Variants in FN1 observed in about 807,000 individuals in gnomAD.
FN1 encodes fibronectin.
Under a neutral mutation model 297.3 loss-of-function variants are expected in FN1, and 106 were observed. That is an observed-to-expected ratio of 0.36 (90% CI 0.30 to 0.42). The LOEUF (loss-of-function observed/expected upper bound fraction) is 0.42. Among genes scored for constraint, FN1 ranks in the 10% least tolerant of loss-of-function variants. The probability of loss-of-function intolerance (pLI) is 1.00; values close to 1 mark genes in which losing one functional copy is unlikely to be tolerated. For synonymous variants in FN1, 1,149 were observed against 1,152.6 expected (o/e 1.00, Z 0.06); for missense variants, 2,690 against 3,124.9 (o/e 0.86, Z 3.32).
At chr2:215,383,906 T>C in intron 30 of FN1, 114 bp downstream of exon 30, 1 of 1,190,018 alleles carries the variant, frequency 8.4e-7, no homozygotes, top group Non-Finnish European at 1.2e-6. Context: ...TGCAGGTTGT[T>C]GCTCATTAAA....
intron 6 of FN1, among the ~76,000 whole-genome samples, chr2:215,425,817 C>T (rs1361628671): frequency 6.6e-6 from 1 of 152,138 alleles, no homozygotes; most frequent in Non-Finnish European, 1.5e-5. Flanking sequence ...GGGGATCCAC[C>T]CGCTTCGGCC....
chr2:215,375,157 G>A (rs2057038520), intron 38 of FN1, 57 bp downstream of exon 38: 2 of 1,532,256 alleles, frequency 1.3e-6, no homozygotes, highest in Admixed American at 3.3e-5. Context: ...AGTTTGCTAA[G>A]GACTTCATGT....
chr2:215,402,823 T>C (rs1415384128), intron 20 of FN1, among the ~76,000 whole-genome samples: 3 of 152,254 alleles, frequency 2.0e-5, no homozygotes, highest in Non-Finnish European at 4.4e-5. Flanking sequence ...GAATGTATTA[T>C]GCAAAGCATA....
chr2:215,411,874 G>A (rs1035692759), intron 13 of FN1, among the ~76,000 whole-genome samples: 3 of 151,822 alleles, frequency 2.0e-5, no homozygotes, highest in East Asian at 1.9e-4. Flanking sequence ...TCACCATGTT[G>A]GCCAGGATGC....
rs548810098 is a variant in FN1 at position 215,419,921 on chromosome 2, G to C, written c.1676-536C>G. ...TCAAACAAACGGATGTTATCAGTTT[G>C]TTTTCTCAGTGAGCAACCTGTCTCT... On this transcript the variant is annotated intron_variant, in intron 11 of 45. Transcript: ENST00000354785. 1.3e-4 allele frequency among the ~76,000 whole-genome samples: 20 copies of C among 152,290 alleles called. No individual in the cohort carries two copies. The South Asian group carries it at 4.1e-3, about 32-fold the overall frequency.
At chr2:215,375,527 GA>G (rs149241556) in intron 37 of FN1, 101 bp downstream of exon 37, 1 of 1,252,344 alleles carries the variant, frequency 8.0e-7, no homozygotes, top group African/African-American at 1.5e-5. Context: ...AGATTCTCTG[GA>G]ATCTATAATA....
rs147845471 is a variant in FN1, at chr2:215,414,918, C to T, written c.1860G>A (p.Pro620=). 3.7e-4 allele frequency: 595 copies of T among 1,613,842 alleles called. No individual in the cohort carries two copies. The highest frequency in any genetic ancestry group is 5.5e-4 in the Admixed American group (33 of 59,982). ...GPVEVFITET[P]SQPNSHPIQW... ...GGATGGGGTGGGAGTTGGGCTGACT[C>T]GGAGTCTCAGTGATAAATACTTCGA... Residue 620 remains proline, a synonymous_variant, in exon 13 of 46, where the codon CCG becomes CCA. Transcript: ENST00000354785.
intron 16 of FN1, 48 bp downstream of exon 16, chr2:215,408,249 TG>T (rs1326261410): frequency 1.2e-6 from 2 of 1,613,710 alleles, no homozygotes; most frequent in Admixed American, 3.3e-5. Context: ...ACTACAGGCC[TG>T]TGTTTTACAG....
chr2:215,434,793 C>G lies in FN1; in HGVS notation c.180G>C (p.Gln60His). The change falls in exon 2 of 46, where the codon CAG becomes CAC. Residue 60 changes from glutamine to histidine, a missense_variant. This residue lies in a region of FN1 where 876 missense variants were observed against 1,058.1 expected (regional missense o/e 0.83). Coordinates refer to ENST00000354785, the MANE Select transcript of FN1 (RefSeq NM_212482.4). ...AGGTCCGCTCCCACTGTTGATTTAT[C>G]TGATAGTGTTTTCCATTGTCATAAC... ...PGCYDNGKHY[Q>H]INQQWERTYL... The G allele has an allele frequency of 6.2e-7, 1 of 1,613,824 alleles. No individual in the cohort carries two copies. Among genetic ancestry groups the G allele is most frequent in the East Asian group, 2.2e-5 (1 of 44,844 alleles).
chr2:215,430,574 G>T, intron 5 of FN1, 141 bp downstream of exon 5: 2 of 913,976 alleles, frequency 2.2e-6, no homozygotes, highest in Non-Finnish European at 3.4e-6. Flanking sequence ...AGTTGGTTAT[G>T]AAAGTTTTCT....
chr2:215,412,760 C>CTTTT lies in FN1; in HGVS notation c.1941+2073_1941+2076dup, dbSNP rs10524797. Reference sequence around the variant, plus strand: ...TAATTTAAAGTATTATATTAAGTATCTTTTTTTTTTTTTTTTTTTTTTACT... The same window carrying CTTTT: ...TAATTTAAAGTATTATATTAAGTATCTTTTTTTTTTTTTTTTTTTTTTTTTTACT... On this transcript the variant is annotated intron_variant, in intron 13 of 45. Coordinates refer to ENST00000354785, the MANE Select transcript of FN1 (RefSeq NM_212482.4). 6.9e-4 allele frequency among the ~76,000 whole-genome samples: 67 copies of CTTTT among 97,550 alleles called. 3 individuals are homozygous for CTTTT. Among genetic ancestry groups the CTTTT allele is most frequent in the African/African-American group, 2.5e-3 (58 of 23,302 alleles). The allele number at this position is 97,550 out of a possible 152,430, so 64.0% of individuals were successfully genotyped here.
In FN1 at chr2:215,379,076, CTG is replaced by C. The variant is rs148208523; in HGVS notation, c.5622+52_5622+53del. The stretch of plus-strand genomic sequence containing the variant: ...TATTATATTTTCACCACCTTAGAAA[CTG>C]TGTTAGAGATGATCTCCATCTTTAT... On this transcript the variant is annotated intron_variant, in intron 34 of 45. Coordinates refer to ENST00000354785, the MANE Select transcript of FN1 (RefSeq NM_212482.4). The C allele has an allele frequency of 4.4e-4, 630 of 1,435,752 alleles. 2 individuals carry two copies. In the East Asian group the frequency reaches 0.012, roughly 27 times the overall value. 88.9% of individuals were successfully genotyped at this position (1,435,752 alleles called of 1,614,324 possible).
In FN1 at chr2:215,376,667, G is replaced by A; in HGVS notation, c.5718C>T (p.Ser1906=). Residue 1906 remains serine (S), a synonymous_variant, in exon 36 of 46, where the codon AGC becomes AGT. Coordinates refer to ENST00000354785, the MANE Select transcript of FN1 (RefSeq NM_212482.4). ...CTGTCACACGAGCCCTTCTTGGTGGGCTGACATCTGCACAGGAGCATAGCT... is the reference window on the plus strand; with the variant it reads ...CTGTCACACGAGCCCTTCTTGGTGGACTGACATCTGCACAGGAGCATAGCT... ...QGVVTTLENV[S]PPRRARVTDA... is the part of the protein sequence containing the mutation. 6.2e-7 allele frequency: 1 copy of A among 1,613,676 alleles called. No homozygotes were observed. Among genetic ancestry groups the A allele is most frequent in the Non-Finnish European group, 8.5e-7 (1 of 1,179,948 alleles).
Position 215,424,199 on chromosome 2 carries a change from G to A in FN1, c.1163C>T (p.Thr388Ile). The stretch of plus-strand genomic sequence containing the variant: ...CTGGTCCTGCTCATAATTCGAAGTT[G>A]TGCTGCACCAAAGATGTCCGTCCTG... ...GRQDGHLWCSTTSNYEQDQKY... is the reference protein window; with the variant it reads ...GRQDGHLWCSITSNYEQDQKY... The change falls in exon 8 of 46, where the codon ACA (threonine) becomes ATA (isoleucine). Residue 388 changes from threonine (T) to isoleucine (I), a missense_variant. Physicochemically the swap from Thr to Ile is moderately conservative, Grantham distance 89. This residue lies in a region of FN1 where 876 missense variants were observed against 1,058.1 expected (regional missense o/e 0.83). Coordinates refer to ENST00000354785, the MANE Select transcript of FN1 (RefSeq NM_212482.4). 4 of 1,614,180 alleles carry A rather than the reference G, an allele frequency of 2.5e-6. No homozygotes were observed. Among genetic ancestry groups the A allele is most frequent in the Non-Finnish European group, 3.4e-6 (4 of 1,180,028 alleles).
rs2066363086 is a variant in FN1 at position 215,430,717 on chromosome 2, C to T, written c.683G>A (p.Arg228Lys). 6.2e-7 allele frequency: 1 copy of T among 1,613,906 alleles called. No individual in the cohort carries two copies. The highest frequency in any genetic ancestry group is 1.7e-5 in the Admixed American group (1 of 59,996). ...EGSGRITCTS[R>K]NRCNDQDTRT... is the part of the protein sequence containing the mutation. ...TAACATAAAGATGTAAAACATACTT[C>T]TAGAAGTGCAAGTGATGCGTCCGCT... is the stretch of plus-strand genomic sequence containing the variant. Residue 228 changes from arginine (R) to lysine (K), a missense_variant and splice_region_variant, in exon 5 of 46, where the codon AGA becomes AAA. By Grantham distance (26) the Arg-to-Lys change is conservative. Transcript: ENST00000354785.
In FN1 at chr2:215,435,402, C is replaced by T. The variant is rs544623800; in HGVS notation, c.148+253G>A. Reference sequence around the variant, plus strand: ...TTTGGTTAATTCCTAGAAGGACAATCTGAACGTGCAGAATTTATTAGAACA... The same window carrying T: ...TTTGGTTAATTCCTAGAAGGACAATTTGAACGTGCAGAATTTATTAGAACA... On this transcript the variant is annotated intron_variant, in intron 1 of 45. Transcript: ENST00000354785. 7.9e-5 allele frequency among the ~76,000 whole-genome samples: 12 copies of T among 152,324 alleles called. No homozygotes were observed. In the South Asian group the frequency reaches 2.5e-3, roughly 32 times the overall value.
At position 215,367,173 on chromosome 2, in the gene FN1, A is replaced by G. The variant is rs535635045; in HGVS notation, c.7018+690T>C. 5.9e-5 allele frequency among the ~76,000 whole-genome samples: 9 copies of G among 152,348 alleles called. No individual in the cohort carries two copies. In the South Asian group the frequency reaches 1.5e-3, roughly 25 times the overall value. ...TCAATAATCATCACATCTCCTAAAC[A>G]CAAAGAATAAATGAAAGGTTTATAA... On this transcript the variant is annotated intron_variant, in intron 42 of 45. Transcript: ENST00000354785.
intron 15 of FN1, among the ~76,000 whole-genome samples, chr2:215,408,642 A>T (rs1408247518): frequency 6.6e-6 from 1 of 152,172 alleles, no homozygotes; most frequent in Non-Finnish European, 1.5e-5. Context: ...ATTTCAGCTC[A>T]CTGCATCCTC....
chr2:215,414,720 A>C, intron 13 of FN1, 117 bp downstream of exon 13: 1 of 1,502,778 alleles, frequency 6.7e-7, no homozygotes, highest in Non-Finnish European at 8.9e-7. Context: ...AAATATAGTA[A>C]ATGCTATAGG....
Sources: allele counts gnomAD v4.1 joint callset (sites outside exome capture counted in the v4.1 genomes callset), GRCh38; gene constraint gnomAD v4.1.1; regional missense constraint gnomAD v4.1.1; transcripts MANE v1.5; gene names NCBI Gene and HGNC (gene_info 2026-07-23, HGNC 2026-07-21).